Variants in PDE1C observed in about 807,000 individuals in gnomAD.
PDE1C encodes the protein phosphodiesterase 1C.
In PDE1C, 62 loss-of-function variants were observed where a neutral mutation model predicts 93.1. That is an observed-to-expected ratio of 0.67 (90% confidence interval 0.54 to 0.82). The LOEUF is 0.82. Among genes scored for constraint, PDE1C ranks in the 40% least tolerant of loss-of-function variants. The probability of loss-of-function intolerance (pLI) is 0.00; values close to 1 mark genes in which losing one functional copy is unlikely to be tolerated. For synonymous variants in PDE1C, 325 were observed against 310.1 expected (o/e 1.05, Z -0.50); for missense variants, 742 against 884.6 (o/e 0.84, Z 2.04).
rs530653029 is a variant in PDE1C at position 32,184,077 on chromosome 7, G to C, written c.137-14121C>G. On this transcript the variant is annotated intron_variant, in intron 2 of 18. Coordinates refer to the PDE1C transcript ENST00000396193. ...CATCATCACTGGCCATCAGAGAAAT[G>C]CAAGTCAAAACTACAATGAGATACC... is the stretch of plus-strand genomic sequence containing the variant. 3.0e-4 allele frequency among the ~76,000 whole-genome samples: 46 copies of C among 152,310 alleles called. 1 individual carries two copies. Among genetic ancestry groups the C allele is most frequent in the African/African-American group, 1.1e-3 (44 of 41,558 alleles).
At chr7:31,657,086 T>C in the PDE1C span, among the ~76,000 whole-genome samples, 7 of 8,866 alleles carry the variant, frequency 7.9e-4, no homozygotes, top group Non-Finnish European at 1.1e-3. Flanking sequence ...ATATATATTT[T>C]ATATATGATA....
intron 1 of PDE1C, among the ~76,000 whole-genome samples, chr7:32,231,186 A>G (rs1164259929): frequency 6.6e-6 from 1 of 152,208 alleles, no homozygotes; most frequent in African/African-American, 2.4e-5. Context: ...AAAAGAAATT[A>G]TGAAAATCAC....
chr7:31,964,492 A>C (rs1809571489), intron 2 of PDE1C, among the ~76,000 whole-genome samples: 1 of 152,238 alleles, frequency 6.6e-6, no homozygotes, highest in African/African-American at 2.4e-5. Context: ...CCACAGCTCA[A>C]GGAGGCCTGC....
the PDE1C span, among the ~76,000 whole-genome samples, chr7:31,636,127 C>G: frequency 6.6e-6 from 1 of 152,030 alleles, no homozygotes; most frequent in Non-Finnish European, 1.5e-5. Flanking sequence ...CTCACTGTCA[C>G]AAGAATAGCA....
At chr7:32,288,494 T>C (rs1193874727) in intron 1 of PDE1C, among the ~76,000 whole-genome samples, 3 of 152,208 alleles carry the variant, frequency 2.0e-5, no homozygotes, top group Non-Finnish European at 4.4e-5. Context: ...GCCTCATGAA[T>C]GACCCAGATG....
the PDE1C span, among the ~76,000 whole-genome samples, chr7:31,728,900 G>A: frequency 6.6e-6 from 1 of 152,182 alleles, no homozygotes; most frequent in African/African-American, 2.4e-5. Flanking sequence ...GTACAAAGAG[G>A]GGTGGAAGTG....
intron 17 of PDE1C, among the ~76,000 whole-genome samples, chr7:31,755,366 A>AG (rs1794392262): frequency 6.6e-6 from 1 of 152,128 alleles, no homozygotes; most frequent in Admixed American, 6.6e-5. Flanking sequence ...GCTGAAGGGG[A>AG]GGGGGTCTAG....
chr7:31,773,918 A>G (rs1046455242), intron 17 of PDE1C, among the ~76,000 whole-genome samples: 4 of 152,202 alleles, frequency 2.6e-5, no homozygotes, highest in African/African-American at 9.6e-5. Context: ...TTTTGACAGG[A>G]CTACAAAGAG....
chr7:32,139,611 T>C (rs533690425), intron 3 of PDE1C, among the ~76,000 whole-genome samples: 2 of 152,246 alleles, frequency 1.3e-5, no homozygotes, highest in South Asian at 2.1e-4. Context: ...AGTGTAATCA[T>C]TGCATCAGAG....
chr7:31,934,663 G>T (rs1302643203), intron 2 of PDE1C, among the ~76,000 whole-genome samples: 9 of 152,008 alleles, frequency 5.9e-5, no homozygotes, highest in Non-Finnish European at 1.0e-4. Context: ...TTTCATAGTA[G>T]GAACACTGTA....
At chr7:31,763,895 A>G (rs1238724279) in intron 17 of PDE1C, among the ~76,000 whole-genome samples, 1 of 151,824 alleles carries the variant, frequency 6.6e-6, no homozygotes, top group Non-Finnish European at 1.5e-5. Flanking sequence ...TTATTTGTGA[A>G]TATTTGGCAG....
At chr7:32,019,383 A>G (rs1272972774) in intron 2 of PDE1C, among the ~76,000 whole-genome samples, 3 of 152,132 alleles carry the variant, frequency 2.0e-5, no homozygotes, top group African/African-American at 7.2e-5. Context: ...AACACATACA[A>G]TATGGTTGGT....
intron 2 of PDE1C, among the ~76,000 whole-genome samples, chr7:32,045,604 T>C (rs1485466046): frequency 6.6e-6 from 1 of 152,208 alleles, no homozygotes; most frequent in East Asian, 1.9e-4. Flanking sequence ...TGATTTGATT[T>C]ATCCAGTGTC....
At chr7:31,913,038 A>G (rs1219836540) in intron 2 of PDE1C, among the ~76,000 whole-genome samples, 2 of 152,190 alleles carry the variant, frequency 1.3e-5, no homozygotes, top group Non-Finnish European at 2.9e-5. Context: ...GGTGATCAAG[A>G]GACACTAGAG....
At chr7:31,631,270 T>C in the PDE1C span, among the ~76,000 whole-genome samples, 1 of 152,306 alleles carries the variant, frequency 6.6e-6, no homozygotes, top group East Asian at 1.9e-4. Context: ...AGGCATGTGC[T>C]CACAAACACA....
chr7:32,006,663 C>A (rs750524697), intron 2 of PDE1C, among the ~76,000 whole-genome samples: 25 of 152,140 alleles, frequency 1.6e-4, no homozygotes, highest in Non-Finnish European at 3.7e-4. Context: ...ATAGGCACAG[C>A]AGGAAACAAA....
chr7:31,818,261 T>C (rs1788512081), intron 14 of PDE1C, among the ~76,000 whole-genome samples: 1 of 152,190 alleles, frequency 6.6e-6, no homozygotes, highest in South Asian at 2.1e-4. Flanking sequence ...TATAGAAAGG[T>C]ACAACTACAG....
rs113078138 is a variant in PDE1C at position 31,956,927 on chromosome 7, T to C, written c.129-76067A>G. Among the ~76,000 whole-genome samples the C allele has an allele frequency of 9.0e-3, 1,372 of 151,972 alleles. 19 individuals are homozygous for C. Among genetic ancestry groups the C allele is most frequent in the African/African-American group, 0.031 (1,283 of 41,414 alleles). ...GGGATGCTTCCGTATGCAGAAGAGATTTTTCATCTTGAGTATATAAATATT... is the reference window on the plus strand; with the variant it reads ...GGGATGCTTCCGTATGCAGAAGAGACTTTTCATCTTGAGTATATAAATATT... On this transcript the variant is annotated intron_variant, in intron 2 of 17. Transcript: ENST00000396191.
At chr7:32,157,546 G>GGAA (rs4000176) in intron 3 of PDE1C, among the ~76,000 whole-genome samples, 20 of 152,172 alleles carry the variant, frequency 1.3e-4, no homozygotes, top group African/African-American at 4.8e-4. Context: ...AGTGGAGCCA[G>GGAA]CCAAAAAATA....
Sources: gnomAD v4.1 joint callset for allele counts (sites outside exome capture counted in the v4.1 genomes callset) on GRCh38, gnomAD v4.1.1 for gene constraint, MANE v1.5 for transcripts, NCBI Gene and HGNC (gene_info 2026-07-23, HGNC 2026-07-21) for gene names.